The following IQGAP2 variants were observed in gnomAD, a reference collection of about 807,000 sequenced individuals.
The protein encoded by IQGAP2 is IQ motif containing GTPase activating protein 2, also known as ras GTPase-activating-like protein IQGAP2.
IQGAP2 carries 173 observed loss-of-function variants against 201.3 expected under a neutral mutation model. The observed-to-expected ratio is 0.86, with a 90% CI of 0.76 to 0.98. The LOEUF (loss-of-function observed/expected upper bound fraction) is 0.98. Ranked by LOEUF, IQGAP2 falls within the 50% of genes least tolerant of loss-of-function variation. The pLI is 0.00. For synonymous variants in IQGAP2, 675 were observed against 673.9 expected (o/e 1.00, Z -0.03); for missense variants, 1,687 against 1,864.8 (o/e 0.90, Z 1.76).
intron 13 of IQGAP2, among the ~76,000 whole-genome samples, chr5:76,625,852 A>G (rs1365492902): frequency 6.6e-6 from 1 of 152,192 alleles, no homozygotes; most frequent in Non-Finnish European, 1.5e-5. Context: ...TTAGAACACG[A>G]CACTTATTCC....
At chr5:76,483,508 G>A (rs1248765496) in intron 2 of IQGAP2, among the ~76,000 whole-genome samples, 1 of 152,220 alleles carries the variant, frequency 6.6e-6, no homozygotes, top group Admixed American at 6.5e-5. Context: ...TGGTCAAAAT[G>A]TTGATTCTCT....
intron 2 of IQGAP2, among the ~76,000 whole-genome samples, chr5:76,546,954 ATTGACGGCATCT>A (rs1421412912): frequency 6.6e-6 from 1 of 152,196 alleles, no homozygotes; most frequent in Admixed American, 6.5e-5. Context: ...GGTGACAATG[ATTGACGGCATCT>A]AGTGAGTCCC....
chr5:76,507,636 A>G (rs115593884), intron 2 of IQGAP2, among the ~76,000 whole-genome samples: 131 of 152,386 alleles, frequency 8.6e-4, no homozygotes, highest in African/African-American at 3.0e-3. Context: ...TTTGCAAAAA[A>G]GATATATCTG....
chr5:76,453,614 T>C (rs1226532490), intron 1 of IQGAP2, among the ~76,000 whole-genome samples: 2 of 152,220 alleles, frequency 1.3e-5, no homozygotes, highest in African/African-American at 2.4e-5. Context: ...AGTGACTTGC[T>C]ACTCCTTGGG....
intron 2 of IQGAP2, among the ~76,000 whole-genome samples, chr5:76,493,277 G>A (rs549900416): frequency 3.3e-4 from 46 of 139,548 alleles, no homozygotes; most frequent in Middle Eastern, 3.5e-3. Flanking sequence ...GGCCCCGCCC[G>A]CCCCTCACCA....
chr5:76,670,420 G>A lies in IQGAP2; in HGVS notation c.2844-1339G>A, dbSNP rs535676726. Among the ~76,000 whole-genome samples the A allele has an allele frequency of 3.0e-3, 452 of 152,152 alleles. 2 individuals carry two copies. Among genetic ancestry groups the A allele is most frequent in the Non-Finnish European group, 5.0e-3 (340 of 67,978 alleles). On this transcript the variant is annotated intron_variant, in intron 23 of 35. Coordinates refer to ENST00000274364, the MANE Select transcript of IQGAP2 (RefSeq NM_006633.5). ...TCCCAGCTACTCAGGAGGCTGAGAC[G>A]GGAGAATGGTGTGAACCCAGGAGGC...
intron 2 of IQGAP2, among the ~76,000 whole-genome samples, chr5:76,534,758 G>A (rs571856340): frequency 6.6e-4 from 101 of 152,242 alleles, no homozygotes; most frequent in Middle Eastern, 3.4e-3. Context: ...ATTGTCCTAC[G>A]TTTCACAGTC....
chr5:76,562,320 G>A lies in IQGAP2; in HGVS notation c.147-76G>A, dbSNP rs537166690. The A allele has an allele frequency of 1.9e-4, 208 of 1,079,608 alleles. 1 individual carries two copies. The highest frequency in any genetic ancestry group is 1.1e-3 in the South Asian group (77 of 67,636). The allele number at this position is 1,079,608 out of a possible 1,614,324, so 66.9% of individuals were successfully genotyped here. A position where few individuals can be genotyped will look rare whatever the true frequency, so the allele number is the denominator to read the frequency against. On this transcript the variant is annotated intron_variant, in intron 2 of 35. Transcript: ENST00000274364. ...TTCCTTTGTCTCCAACACACACAGC[G>A]AAATGCTGCATGCCTTCATTTGCAG...
chr5:76,618,671 A>G, intron 13 of IQGAP2: 2 of 1,521,918 alleles, frequency 1.3e-6, no homozygotes, highest in South Asian at 2.3e-5. Context: ...ATTAACATAA[A>G]TGTATAGTTC....
Position 76,590,460 on chromosome 5 carries a change from G to T in IQGAP2, c.693G>T (p.Glu231Asp), listed in dbSNP as rs1177820970. 5.0e-6 allele frequency: 8 copies of T among 1,613,664 alleles called. No homozygotes were observed. The South Asian group carries it at 8.8e-5, about 18-fold the overall frequency. ...INEAVEKGIAEQTVVTLRNPN... is the reference protein window; with the variant it reads ...INEAVEKGIADQTVVTLRNPN... ...AAGCAGTTGAAAAAGGAATAGCAGA[G>T]CAAACCGTTGTAACACTAAGAAACC... The change falls in exon 8 of 36, where the codon GAG becomes GAT. Residue 231 changes from glutamate to aspartate, a missense_variant. By Grantham distance (45) the Glu-to-Asp change is conservative. Transcript: ENST00000274364.
At chr5:76,426,539 C>G (rs1424178523) in intron 1 of IQGAP2, among the ~76,000 whole-genome samples, 1 of 152,210 alleles carries the variant, frequency 6.6e-6, no homozygotes, top group African/African-American at 2.4e-5. Flanking sequence ...CATCACCATT[C>G]AACAGTTGCT....
At chr5:76,699,647 C>CG in intron 33 of IQGAP2, among the ~76,000 whole-genome samples, 7 of 129,494 alleles carry the variant, frequency 5.4e-5, no homozygotes, top group African/African-American at 1.5e-4. Flanking sequence ...CTCTCTCTCT[C>CG]TCTCTCTCTC....
chr5:76,589,935 C>A (rs1746529019), intron 7 of IQGAP2, among the ~76,000 whole-genome samples: 1 of 152,202 alleles, frequency 6.6e-6, no homozygotes, highest in Admixed American at 6.5e-5. Context: ...ACTTGTACAA[C>A]ATGAATTGAG....
At chr5:76,535,549 A>C (rs1263740087) in intron 2 of IQGAP2, among the ~76,000 whole-genome samples, 1 of 152,186 alleles carries the variant, frequency 6.6e-6, no homozygotes, top group Non-Finnish European at 1.5e-5. Flanking sequence ...CATTCAACGA[A>C]CATGGGACCC....
At chr5:76,491,473 T>G (rs142746686) in intron 2 of IQGAP2, among the ~76,000 whole-genome samples, 2 of 152,278 alleles carry the variant, frequency 1.3e-5, no homozygotes, top group African/African-American at 4.8e-5. Flanking sequence ...TTATTATTAT[T>G]TTTTATTTTT....
chr5:76,505,078 TA>T (rs1299452139), intron 2 of IQGAP2, among the ~76,000 whole-genome samples: 3 of 152,174 alleles, frequency 2.0e-5, no homozygotes, highest in African/African-American at 4.8e-5. Context: ...GGTCAGTGTC[TA>T]GGGGGGTAAG....
chr5:76,432,610 A>T (rs1209017749), intron 1 of IQGAP2, among the ~76,000 whole-genome samples: 1 of 152,254 alleles, frequency 6.6e-6, no homozygotes, highest in Non-Finnish European at 1.5e-5. Flanking sequence ...TCAAACAATT[A>T]TGTTATTTAA....
intron 1 of IQGAP2, among the ~76,000 whole-genome samples, chr5:76,451,850 C>T (rs550923674): frequency 2.6e-4 from 40 of 152,288 alleles, no homozygotes; most frequent in African/African-American, 8.7e-4. Context: ...GCCTGGCCAA[C>T]ACAACGAAAC....
chr5:76,461,003 CA>C (rs1754417221), intron 1 of IQGAP2, among the ~76,000 whole-genome samples: 1 of 151,562 alleles, frequency 6.6e-6, no homozygotes, highest in Non-Finnish European at 1.5e-5. Context: ...CTCAGCCTCC[CA>C]AGTAGCTGGG....
Sources: gnomAD v4.1 joint callset for allele counts (sites outside exome capture counted in the v4.1 genomes callset) on GRCh38, gnomAD v4.1.1 for gene constraint, MANE v1.5 for transcripts, NCBI Gene and HGNC (gene_info 2026-07-23, HGNC 2026-07-21) for gene names.